Variants in FAM20A observed in about 807,000 individuals in gnomAD.
FAM20A encodes the protein pseudokinase FAM20A.
Under a neutral mutation model 52.0 loss-of-function variants are expected in FAM20A, and 42 were observed. The ratio of observed to expected loss-of-function variants is 0.81; its 90% CI spans 0.63 to 1.04. The LOEUF (loss-of-function observed/expected upper bound fraction) is 1.04, where lower values mean the gene tolerates loss of function less well. Ranked by LOEUF, FAM20A falls within the 50% of genes least tolerant of loss-of-function variation. The probability of loss-of-function intolerance (pLI) is 0.00; values close to 1 mark genes in which losing one functional copy is unlikely to be tolerated. For missense variants in FAM20A, 742 were observed against 712.7 expected (o/e 1.04, Z -0.47); for synonymous variants, 304 against 298.9 (o/e 1.02, Z -0.18).
chr17:68,539,661 A>G (rs992670921), intron 9 of FAM20A, among the ~76,000 whole-genome samples: 16 of 152,180 alleles, frequency 1.1e-4, no homozygotes, highest in African/African-American at 3.4e-4. Context: ...ACCTCACCCT[A>G]TTTCACTAGA....
chr17:68,594,129 TG>T (rs373181145), intron 1 of FAM20A, among the ~76,000 whole-genome samples: 314 of 152,298 alleles, frequency 2.1e-3, no homozygotes, highest in African/African-American at 6.6e-3. Context: ...AGAGCAGTAC[TG>T]GCCGGGCGCG....
chr17:68,551,803 T>C lies in FAM20A; in HGVS notation c.719+70A>G, dbSNP rs963833728. ...GCAGAAAGACTTTAGGTCACTTTTA[T>C]TAGTTTTTGGTCCAAATCTTCCCAG... is the stretch of plus-strand genomic sequence containing the variant. On this transcript the variant is annotated intron_variant, in intron 4 of 10. Coordinates refer to ENST00000592554, the MANE Select transcript of FAM20A (RefSeq NM_017565.4). The C allele has an allele frequency of 1.3e-5, 14 of 1,087,184 alleles. No homozygotes were observed. The African/African-American group carries it at 1.9e-4, about 15-fold the overall frequency. The allele number at this position is 1,087,184 out of a possible 1,614,324, so 67.3% of individuals were successfully genotyped here.
intron 4 of FAM20A, chr17:68,551,257 A>G (rs1469131858): frequency 1.4e-6 from 1 of 704,124 alleles, no homozygotes; most frequent in Non-Finnish European, 2.0e-6. Context: ...ATGTTTCACA[A>G]AATTTTCAAG....
chr17:68,568,423 G>A (rs1358948104), intron 1 of FAM20A, among the ~76,000 whole-genome samples: 4 of 151,584 alleles, frequency 2.6e-5, no homozygotes, highest in African/African-American at 7.3e-5. Context: ...AGCGGAGATC[G>A]CGTCACTGCA....
At chr17:68,592,392 G>A (rs1427582840) in intron 1 of FAM20A, among the ~76,000 whole-genome samples, 2 of 152,122 alleles carry the variant, frequency 1.3e-5, no homozygotes, top group East Asian at 3.8e-4. Flanking sequence ...AAAAAATTCC[G>A]TTTCAACTGG....
At chr17:68,571,300 C>T (rs2087528800) in intron 1 of FAM20A, among the ~76,000 whole-genome samples, 1 of 152,174 alleles carries the variant, frequency 6.6e-6, no homozygotes, top group African/African-American at 2.4e-5. Context: ...GCATCCTCCT[C>T]AGTATTTGAA....
At chr17:68,539,801 G>A in intron 9 of FAM20A, 84 bp downstream of exon 9, 2 of 1,317,298 alleles carry the variant, frequency 1.5e-6, no homozygotes, top group South Asian at 1.2e-5. Flanking sequence ...TCATTTGCAG[G>A]GCGTCTGTTT....
rs991959502 is a variant in FAM20A, at chr17:68,555,653, G to A, written c.495C>T (p.His165=). ...AGAGCCCATGGCGGTTAATACCCAG[G>A]TGGAACTGGACCCAGCTGGCCTCGA... ...LRLEASWVQF[H]LGINRHGLYS... Residue 165 remains histidine (H), a synonymous_variant, in exon 2 of 11, where the codon CAC becomes CAT. Coordinates refer to ENST00000592554, the MANE Select transcript of FAM20A (RefSeq NM_017565.4). The A allele has an allele frequency of 6.2e-7, 1 of 1,613,706 alleles. No homozygotes were observed. Among genetic ancestry groups the A allele is most frequent in the African/African-American group, 1.3e-5 (1 of 74,910 alleles).
At chr17:68,554,044 A>G (rs1006780440) in intron 3 of FAM20A, among the ~76,000 whole-genome samples, 1 of 133,220 alleles carries the variant, frequency 7.5e-6, no homozygotes, top group Non-Finnish European at 1.5e-5. Flanking sequence ...ACATGCATAT[A>G]TACACATATA....
At chr17:68,561,370 A>G (rs1405186198) in intron 1 of FAM20A, among the ~76,000 whole-genome samples, 4 of 152,192 alleles carry the variant, frequency 2.6e-5, no homozygotes, top group Non-Finnish European at 5.9e-5. Context: ...ATGACTAGCT[A>G]GTTCTTTAAC....
At position 68,551,688 on chromosome 17, in the gene FAM20A, A is replaced by AATTATTATT. The variant is rs34824326; in HGVS notation, c.719+176_719+184dup. On this transcript the variant is annotated intron_variant, in intron 4 of 10. Transcript: ENST00000592554. ...AAAAAGACAAGCTCTTAGTATTTTC[A>AATTATTATT]ATTATTATTATTATTATTATTATTA... Among the ~76,000 whole-genome samples, 14,339 of 134,682 alleles carry AATTATTATT rather than the reference A, an allele frequency of 0.11. 849 individuals are homozygous for AATTATTATT. Among genetic ancestry groups the AATTATTATT allele is most frequent in the East Asian group, 0.17 (818 of 4,782 alleles). 88.4% of individuals were successfully genotyped at this position (134,682 alleles called of 152,430 possible).
rs537025014 is a variant in FAM20A, at chr17:68,553,669, A to G, written c.640+1108T>C. Among the ~76,000 whole-genome samples, 4 of 152,142 alleles carry G rather than the reference A, an allele frequency of 2.6e-5. No homozygotes were observed. In the South Asian group the frequency reaches 6.2e-4, roughly 24 times the overall value. ...CCTGGGCCTCACCGTCTGAACTTGA[A>G]TCAAAACCCCTGGGGGTGGAGGCTA... On this transcript the variant is annotated intron_variant, in intron 3 of 10. Transcript: ENST00000592554.
chr17:68,545,905 C>T (rs1290588470), intron 4 of FAM20A, among the ~76,000 whole-genome samples: 1 of 152,190 alleles, frequency 6.6e-6, no homozygotes, highest in Non-Finnish European at 1.5e-5. Context: ...TGCGGTGGCT[C>T]ATGCCTGTAA....
In FAM20A at chr17:68,536,683, T is replaced by C. The variant is rs757792071; in HGVS notation, c.*794A>G. 1 of 453,516 alleles carries C rather than the reference T, an allele frequency of 2.2e-6. No individual in the cohort carries two copies. The highest frequency in any genetic ancestry group is 1.6e-5 in the South Asian group (1 of 64,346). The allele number at this position is 453,516 out of a possible 1,614,324, so 28.1% of individuals were successfully genotyped here. ...CTCTTTTCCTGCCTTACTCCAGGCT[T>C]GTGTCCCTGCTAGGCCTGTTCCCAT... On this transcript the variant is annotated 3_prime_UTR_variant, in exon 11 of 11. Transcript: ENST00000592554.
chr17:68,596,661 G>A (rs560168053), intron 1 of FAM20A, among the ~76,000 whole-genome samples: 3 of 152,350 alleles, frequency 2.0e-5, no homozygotes, highest in South Asian at 4.1e-4. Context: ...GCTTGTTAGT[G>A]TATGGCCTGA....
At position 68,600,585 on chromosome 17, in the gene FAM20A, A is replaced by G. The variant is rs1179417620; in HGVS notation, c.82T>C (p.Trp28Arg). The change falls in exon 1 of 11, where the codon TGG (tryptophan) becomes CGG (arginine). Residue 28 changes from tryptophan (W) to arginine (R), a missense_variant. Trp to Arg is a moderately radical substitution (Grantham distance 101). Transcript: ENST00000592554. This position sits in a 1 kb window ranked among gnomAD's most constrained non-coding sequence, Gnocchi z 6.2. ...CGCAGCTGGCGCTGTACTTGGGGCC[A>G]GAGGTGGAAGTAGAGGTCGGCGGAG... ...LLSADLYFHL[W>R]PQVQRQLRPR... 3 of 1,562,244 alleles carry G rather than the reference A, an allele frequency of 1.9e-6. No individual in the cohort carries two copies. The highest frequency in any genetic ancestry group is 1.2e-5 in the South Asian group (1 of 85,194).
At chr17:68,583,875 GA>G (rs1280346217) in intron 1 of FAM20A, among the ~76,000 whole-genome samples, 1 of 151,960 alleles carries the variant, frequency 6.6e-6, no homozygotes, top group African/African-American at 2.4e-5. Flanking sequence ...GACAGAGTGA[GA>G]CTCCATCTCA....
chr17:68,542,031 C>T lies in FAM20A; in HGVS notation c.1063G>A (p.Val355Met). The T allele has an allele frequency of 1.2e-6, 2 of 1,614,086 alleles. No homozygotes were observed. The highest frequency in any genetic ancestry group is 1.7e-6 in the Non-Finnish European group (2 of 1,180,000). The change falls in exon 7 of 11, where the codon GTG becomes ATG. Residue 355 changes from valine (V) to methionine (M), a missense_variant. Val to Met is a conservative substitution (Grantham distance 21). Transcript: ENST00000592554. ...TAGGAGCGGATCCAGGGGTTGGGCA[C>T]AGACAGCCTGGGGGCCAGGTTGAGG... ...PSLNLAPRLS[V>M]PNPWIRSYTL...
chr17:68,552,665 CCTT>C (rs2086891717), intron 3 of FAM20A, among the ~76,000 whole-genome samples: 1 of 109,970 alleles, frequency 9.1e-6, no homozygotes, highest in African/African-American at 3.2e-5. Context: ...CCTTTATTTT[CCTT>C]TTTTTTTTTT....
Sources: allele counts gnomAD v4.1 joint callset (sites outside exome capture counted in the v4.1 genomes callset), GRCh38; gene constraint gnomAD v4.1.1; non-coding constraint Gnocchi (gnomAD v3.1); transcripts MANE v1.5; gene names NCBI Gene and HGNC (gene_info 2026-07-23, HGNC 2026-07-21).